DOCK1: variants seen among roughly 807,000 people sequenced by gnomAD.
The protein encoded by DOCK1 is dedicator of cytokinesis protein 1.
Under a neutral mutation model 262.7 loss-of-function variants are expected in DOCK1, and 138 were observed. The ratio of observed to expected loss-of-function variants is 0.53; its 90% CI spans 0.46 to 0.61. The LOEUF (loss-of-function observed/expected upper bound fraction) is 0.61, where lower values mean the gene tolerates loss of function less well. Ranked by LOEUF, DOCK1 falls within the 20% of genes least tolerant of loss-of-function variation. The pLI is 0.00. For synonymous variants in DOCK1, 866 were observed against 867.4 expected (o/e 1.00, Z 0.03); for missense variants, 1,908 against 2,370.7 (o/e 0.80, Z 4.05).
At chr10:127,157,281 C>T (rs1204520173) in intron 27 of DOCK1, among the ~76,000 whole-genome samples, 1 of 152,154 alleles carries the variant, frequency 6.6e-6, no homozygotes, top group Non-Finnish European at 1.5e-5. Context: ...CACGTGTTAA[C>T]ATCCTGCAGT....
At chr10:127,116,117 C>T (rs932222100) in intron 25 of DOCK1, among the ~76,000 whole-genome samples, 1 of 151,998 alleles carries the variant, frequency 6.6e-6, no homozygotes, top group Admixed American at 6.6e-5. Flanking sequence ...TTCTGTTTGT[C>T]TGTTTGTTGT....
intron 27 of DOCK1, chr10:127,177,027 T>G (rs1476071020): frequency 6.6e-6 from 1 of 152,136 alleles, no homozygotes; most frequent in Non-Finnish European, 1.5e-5. Flanking sequence ...CGAGGGGTGG[T>G]CGCTTCTCAT....
intron 23 of DOCK1, among the ~76,000 whole-genome samples, chr10:127,074,518 C>T (rs2046403974): frequency 6.6e-6 from 1 of 152,024 alleles, no homozygotes; most frequent in Non-Finnish European, 1.5e-5. Context: ...TTTTATAATT[C>T]AAGTAGAATT....
chr10:127,418,287 G>A, intron 44 of DOCK1, 78 bp from the exon 45 acceptor site: 1 of 1,448,396 alleles, frequency 6.9e-7, no homozygotes, highest in Non-Finnish European at 9.2e-7. Context: ...CTGCCCCAGA[G>A]CACGTGGCTC....
At chr10:126,910,702 C>T (rs2031640851) in intron 1 of DOCK1, among the ~76,000 whole-genome samples, 1 of 152,160 alleles carries the variant, frequency 6.6e-6, no homozygotes, top group South Asian at 2.1e-4. Flanking sequence ...CAGAACATTT[C>T]CAGCACCACA....
chr10:127,066,994 C>G (rs887038864), intron 23 of DOCK1, among the ~76,000 whole-genome samples: 1 of 152,206 alleles, frequency 6.6e-6, no homozygotes, highest in African/African-American at 2.4e-5. Context: ...GAAACAGGGC[C>G]CATGCCTGCC....
At chr10:127,399,747 TAAG>T (rs147740545) in intron 38 of DOCK1, among the ~76,000 whole-genome samples, 7,951 of 151,920 alleles carry the variant, frequency 0.052, 302 homozygotes, top group Non-Finnish European at 0.082. Flanking sequence ...TAAAAAAAAA[TAAG>T]AAGAAGAATC....
At chr10:127,244,008 T>A (rs1292437145) in intron 27 of DOCK1, among the ~76,000 whole-genome samples, 2 of 152,202 alleles carry the variant, frequency 1.3e-5, no homozygotes, top group East Asian at 3.8e-4. Context: ...CTTCAATTAT[T>A]TTCTCATGCT....
In DOCK1 at chr10:126,995,570, A is replaced by C. The variant is rs1426311137; in HGVS notation, c.474-1178A>C. Among the ~76,000 whole-genome samples the C allele has an allele frequency of 2.6e-5, 4 of 152,230 alleles. No individual in the cohort carries two copies. The highest frequency in any genetic ancestry group is 1.5e-5 in the Non-Finnish European group (1 of 68,048). Reference sequence around the variant, plus strand: ...CAGGAGAATCAGGCAGGGAGGCTGCAGTGAGCCGAGATGGCGGCAGTACAG... The same window carrying C: ...CAGGAGAATCAGGCAGGGAGGCTGCCGTGAGCCGAGATGGCGGCAGTACAG... On this transcript the variant is annotated intron_variant, in intron 6 of 51. Transcript: ENST00000623213. The surrounding 1 kb of genome is among the most constrained non-coding windows in gnomAD (Gnocchi z 5.8).
At chr10:127,402,927 G>C in intron 38 of DOCK1, 128 bp from the exon 39 acceptor site, 1 of 914,172 alleles carries the variant, frequency 1.1e-6, no homozygotes, top group South Asian at 1.6e-5. Context: ...TTTTTTCGGT[G>C]TTATTCCCAT....
At chr10:127,293,655 G>T (rs2061415889) in intron 29 of DOCK1, among the ~76,000 whole-genome samples, 1 of 152,202 alleles carries the variant, frequency 6.6e-6, no homozygotes, top group African/African-American at 2.4e-5. Context: ...GGGGACATGG[G>T]ATGAGGGCGA....
At chr10:126,908,742 C>T (rs1035729034) in intron 1 of DOCK1, among the ~76,000 whole-genome samples, 6 of 152,144 alleles carry the variant, frequency 3.9e-5, no homozygotes, top group African/African-American at 1.4e-4. Context: ...TGTTTACGGG[C>T]CTGGCATATT....
At chr10:126,984,776 G>A (rs1341983739) in intron 4 of DOCK1, among the ~76,000 whole-genome samples, 1 of 152,076 alleles carries the variant, frequency 6.6e-6, no homozygotes, top group Non-Finnish European at 1.5e-5. Flanking sequence ...CAAACTATGT[G>A]TGCATTACCT....
chr10:127,025,778 C>G (rs116737355), intron 15 of DOCK1, among the ~76,000 whole-genome samples: 625 of 152,112 alleles, frequency 4.1e-3, no homozygotes, highest in African/African-American at 0.014. Flanking sequence ...AAAGTAGAAT[C>G]TTGGCCGGAT....
At chr10:127,272,690 C>T (rs536897165) in intron 29 of DOCK1, among the ~76,000 whole-genome samples, 12 of 152,264 alleles carry the variant, frequency 7.9e-5, no homozygotes, top group Admixed American at 2.0e-4. Context: ...TCCGTGTTCA[C>T]GCTGCTGATA....
At chr10:127,114,098 C>T (rs1021217566) in intron 25 of DOCK1, among the ~76,000 whole-genome samples, 3 of 152,182 alleles carry the variant, frequency 2.0e-5, no homozygotes, top group African/African-American at 7.2e-5. Flanking sequence ...CATGGCACGC[C>T]CCCCATGTGG....
chr10:127,312,941 T>C (rs1229323061), intron 29 of DOCK1, among the ~76,000 whole-genome samples: 1 of 152,134 alleles, frequency 6.6e-6, no homozygotes, highest in East Asian at 1.9e-4. Context: ...CTTTCAAGGA[T>C]TGCCATTTAG....
At chr10:126,982,759 C>T (rs1015084886) in intron 4 of DOCK1, among the ~76,000 whole-genome samples, 2 of 152,032 alleles carry the variant, frequency 1.3e-5, no homozygotes, top group African/African-American at 4.8e-5. Context: ...AATTTAGAGG[C>T]ATGAATGATG....
intron 12 of DOCK1, among the ~76,000 whole-genome samples, chr10:127,017,790 A>G (rs1475785328): frequency 7.2e-6 from 1 of 138,262 alleles, no homozygotes; most frequent in Non-Finnish European, 1.6e-5. Context: ...GCCCCTTCCC[A>G]TGGGGGGAAA....
Sources: gnomAD v4.1 joint callset for allele counts (sites outside exome capture counted in the v4.1 genomes callset) on GRCh38, gnomAD v4.1.1 for gene constraint, Gnocchi (gnomAD v3.1) non-coding constraint, MANE v1.5 for transcripts, NCBI Gene and HGNC (gene_info 2026-07-23, HGNC 2026-07-21) for gene names.